PRKCE: variants seen among roughly 807,000 people sequenced by gnomAD.
The protein encoded by PRKCE is protein kinase C epsilon, also known as protein kinase C epsilon type.
PRKCE carries 16 observed loss-of-function variants against 85.4 expected under a neutral mutation model. The ratio of observed to expected loss-of-function variants is 0.19; its 90% CI spans 0.13 to 0.28. The LOEUF is 0.28. Ranked by LOEUF, PRKCE falls within the 10% of genes least tolerant of loss-of-function variation. The pLI is 1.00. For synonymous variants in PRKCE, 388 were observed against 371.5 expected (o/e 1.04, Z -0.51); for missense variants, 573 against 975.2 (o/e 0.59, Z 5.49).
chr2:45,780,857 G>T (rs1382255879), intron 1 of PRKCE, among the ~76,000 whole-genome samples: 1 of 152,188 alleles, frequency 6.6e-6, no homozygotes, highest in African/African-American at 2.4e-5. Context: ...TCACAAAAAT[G>T]CTGTCTTTCC....
chr2:45,756,849 ACT>A (rs1018972786), intron 1 of PRKCE, among the ~76,000 whole-genome samples: 16 of 151,966 alleles, frequency 1.1e-4, no homozygotes, highest in African/African-American at 3.9e-4. Flanking sequence ...GAGATTATAA[ACT>A]CTATGAGGAA....
At chr2:45,734,630 G>C (rs1681888201) in intron 1 of PRKCE, among the ~76,000 whole-genome samples, 1 of 152,242 alleles carries the variant, frequency 6.6e-6, no homozygotes, top group East Asian at 1.9e-4. Context: ...GGAGCAACAG[G>C]ACTTTTGGCC....
chr2:46,058,180 G>A (rs957756493), intron 10 of PRKCE, among the ~76,000 whole-genome samples: 2 of 152,194 alleles, frequency 1.3e-5, no homozygotes, highest in East Asian at 1.9e-4. Flanking sequence ...GCACACAGAC[G>A]TTAGACAAGG....
rs1204872703 is a variant in PRKCE, at chr2:45,820,298, A to T, written c.349-22702A>T. ...TGTGGGGAGAGGGTAATCTCCAGGG[A>T]CCAGCAAGAAGGATACGGGTGTGGA... On this transcript the variant is annotated intron_variant, in intron 1 of 14. Coordinates refer to ENST00000306156, the MANE Select transcript of PRKCE (RefSeq NM_005400.3). Among the ~76,000 whole-genome samples the T allele has an allele frequency of 2.0e-5, 3 of 152,106 alleles. No individual in the cohort carries two copies. The East Asian group carries it at 5.8e-4, about 29-fold the overall frequency.
At chr2:45,661,584 A>G (rs79998049) in intron 1 of PRKCE, among the ~76,000 whole-genome samples, 1 of 134,032 alleles carries the variant, frequency 7.5e-6, no homozygotes, top group Non-Finnish European at 1.5e-5. Flanking sequence ...GCTGGAGTGC[A>G]ATGGTGCCAT....
At chr2:45,821,977 G>A (rs1193099751) in intron 1 of PRKCE, among the ~76,000 whole-genome samples, 3 of 152,158 alleles carry the variant, frequency 2.0e-5, no homozygotes, top group Non-Finnish European at 4.4e-5. Flanking sequence ...AAGGGCTTGA[G>A]GGGGCTTAGT....
rs1708215156 is a variant in PRKCE at position 46,041,552 on chromosome 2, G to A, written c.1437+31035G>A. 6.6e-6 allele frequency among the ~76,000 whole-genome samples: 1 copy of A among 152,214 alleles called. No individual in the cohort carries two copies. The highest frequency in any genetic ancestry group is 2.4e-5 in the African/African-American group (1 of 41,452). On this transcript the variant is annotated intron_variant, in intron 10 of 14. Coordinates refer to ENST00000306156, the MANE Select transcript of PRKCE (RefSeq NM_005400.3). This position sits in a 1 kb window ranked among gnomAD's most constrained non-coding sequence, Gnocchi z 5.5. ...GGAACTATGGGAATCTCAGCACATA[G>A]TCTTAGATAAATTTTACAAGTATTG... is the stretch of plus-strand genomic sequence containing the variant.
intron 11 of PRKCE, among the ~76,000 whole-genome samples, chr2:46,092,345 C>A (rs181840184): frequency 8.5e-5 from 13 of 152,202 alleles, no homozygotes; most frequent in Non-Finnish European, 1.3e-4. Flanking sequence ...ATTCTCCAAG[C>A]CTTTTGATCT....
intron 1 of PRKCE, among the ~76,000 whole-genome samples, chr2:45,664,568 A>G (rs939793752): frequency 6.6e-6 from 1 of 152,136 alleles, no homozygotes; most frequent in Admixed American, 6.5e-5. Flanking sequence ...GAGCAACAGG[A>G]GTTGGGTTTG....
chr2:45,705,234 T>C (rs1409977659), intron 1 of PRKCE, among the ~76,000 whole-genome samples: 4 of 152,212 alleles, frequency 2.6e-5, no homozygotes, highest in Admixed American at 2.6e-4. Flanking sequence ...GCTAGGGGCC[T>C]GAACTATTGT....
chr2:45,834,760 A>G (rs1690716506), intron 1 of PRKCE, among the ~76,000 whole-genome samples: 1 of 152,186 alleles, frequency 6.6e-6, no homozygotes, highest in South Asian at 2.1e-4. Flanking sequence ...AGTCTTTTTT[A>G]GGACTCGCAT....
intron 1 of PRKCE, among the ~76,000 whole-genome samples, chr2:45,795,465 C>T (rs551667613): frequency 2.1e-4 from 32 of 152,218 alleles, no homozygotes; most frequent in African/African-American, 6.0e-4. Flanking sequence ...CCCACCACCA[C>T]GCCTGGCTAA....
intron 10 of PRKCE, among the ~76,000 whole-genome samples, chr2:46,013,254 C>A (rs534970992): frequency 1.3e-5 from 2 of 152,266 alleles, no homozygotes; most frequent in African/African-American, 4.8e-5. Context: ...TAAAGAGTAG[C>A]TATTATTCAC....
At chr2:45,958,215 A>G (rs1224552695) in intron 2 of PRKCE, among the ~76,000 whole-genome samples, 1 of 128,526 alleles carries the variant, frequency 7.8e-6, no homozygotes, top group Admixed American at 7.7e-5. Flanking sequence ...AAAAAAAAAG[A>G]AAAAGAAAAT....
At chr2:46,015,800 A>AG (rs1243817153) in intron 10 of PRKCE, among the ~76,000 whole-genome samples, 1 of 151,710 alleles carries the variant, frequency 6.6e-6, no homozygotes, top group Admixed American at 6.6e-5. Context: ...AGAGCCGTTG[A>AG]GGATGGGTCT....
At chr2:46,076,672 A>G (rs1055258273) in intron 10 of PRKCE, among the ~76,000 whole-genome samples, 1 of 152,124 alleles carries the variant, frequency 6.6e-6, no homozygotes, top group Non-Finnish European at 1.5e-5. Flanking sequence ...CCATTTGGCC[A>G]ACTGTGATTG....
chr2:46,037,772 C>A (rs889768918), intron 10 of PRKCE, among the ~76,000 whole-genome samples: 1 of 152,076 alleles, frequency 6.6e-6, no homozygotes, highest in Non-Finnish European at 1.5e-5. Flanking sequence ...TATCAGGAGG[C>A]CTTTGAGAGT....
chr2:46,092,076 G>A (rs1229874235), intron 11 of PRKCE, among the ~76,000 whole-genome samples: 1 of 152,192 alleles, frequency 6.6e-6, no homozygotes, highest in Non-Finnish European at 1.5e-5. Context: ...ATCTTCGTGA[G>A]CAACTTACAA....
intron 1 of PRKCE, among the ~76,000 whole-genome samples, chr2:45,654,257 C>T (rs1217850596): frequency 6.6e-6 from 1 of 152,252 alleles, no homozygotes; most frequent in East Asian, 1.9e-4. Context: ...TGATGCTTCA[C>T]TGGGGCACAC....
Sources: gnomAD v4.1 joint callset for allele counts (sites outside exome capture counted in the v4.1 genomes callset) on GRCh38, gnomAD v4.1.1 for gene constraint, Gnocchi (gnomAD v3.1) non-coding constraint, MANE v1.5 for transcripts, NCBI Gene and HGNC (gene_info 2026-07-23, HGNC 2026-07-21) for gene names.